The following GC variants were observed in gnomAD, a reference collection of about 807,000 sequenced individuals.
GC encodes GC vitamin D binding protein, also known as vitamin D-binding protein.
In GC, 43 loss-of-function variants were observed where a neutral mutation model predicts 56.7. The observed-to-expected ratio is 0.76, with a 90% confidence interval of 0.59 to 0.98. GC has a LOEUF of 0.98. GC is among the 50% of genes least tolerant of loss of function. The pLI, the probability that GC is intolerant of heterozygous loss-of-function variation, is 0.00. For synonymous variants in GC, 216 were observed against 202.7 expected (o/e 1.07, Z -0.56); for missense variants, 529 against 545.9 (o/e 0.97, Z 0.31).
At chr4:71,787,253 A>G (rs560894926), upstream of GC, among the ~76,000 whole-genome samples, 31 of 152,022 alleles carry the variant, frequency 2.0e-4, 1 homozygote, top group Middle Eastern at 6.8e-3. Flanking sequence ...CTTAAAGTTC[A>G]TAAATTAATC....
At chr4:71,771,307 T>G (rs1420904730) in intron 1 of GC, among the ~76,000 whole-genome samples, 1 of 151,884 alleles carries the variant, frequency 6.6e-6, no homozygotes, top group Non-Finnish European at 1.5e-5. Flanking sequence ...GAGGTGGTGG[T>G]GATTAGATAC....
chr4:71,756,662 G>T (rs1377653210), intron 8 of GC, 50 bp downstream of exon 8: 1 of 1,335,566 alleles, frequency 7.5e-7, no homozygotes, highest in Non-Finnish European at 1.1e-6. Flanking sequence ...CCCACTTTTT[G>T]TCCAGATGAA....
chr4:71,785,815 A>T (rs1742819113), upstream of GC: 1 of 151,802 alleles, frequency 6.6e-6, no homozygotes, highest in Admixed American at 6.6e-5. Flanking sequence ...AGTGTGAAAA[A>T]GTTTAAAAAC....
At chr4:71,796,334 C>T (rs1270424518) in intron 1 of GC, among the ~76,000 whole-genome samples, 1 of 152,176 alleles carries the variant, frequency 6.6e-6, no homozygotes, top group Non-Finnish European at 1.5e-5. Context: ...CACATAGCCC[C>T]ATATTTCTTG....
At chr4:71,801,569 T>A (rs1743249775) in intron 1 of GC, among the ~76,000 whole-genome samples, 1 of 152,136 alleles carries the variant, frequency 6.6e-6, no homozygotes, top group South Asian at 2.1e-4. Context: ...AATCTCAAAC[T>A]TATATCACCT....
At chr4:71,746,564 C>T in intron 11 of GC, among the ~76,000 whole-genome samples, 1 of 151,746 alleles carries the variant, frequency 6.6e-6, no homozygotes, top group East Asian at 1.9e-4. Context: ...ACTCTAAAGC[C>T]TGATGAATGA....
intron 1 of GC, among the ~76,000 whole-genome samples, chr4:71,773,718 T>A (rs1742412613): frequency 6.6e-6 from 1 of 152,150 alleles, no homozygotes; most frequent in South Asian, 2.1e-4. Context: ...TTGACATAAA[T>A]AAGTGCTCGT....
intron 1 of GC, among the ~76,000 whole-genome samples, chr4:71,778,759 C>A (rs1266166856): frequency 6.6e-6 from 1 of 151,718 alleles, no homozygotes; most frequent in Non-Finnish European, 1.5e-5. Context: ...ATACAGACCA[C>A]CTGGATTTGA....
At chr4:71,743,242 A>G (rs1741247385) in intron 12 of GC, among the ~76,000 whole-genome samples, 1 of 152,220 alleles carries the variant, frequency 6.6e-6, no homozygotes, top group Non-Finnish European at 1.5e-5. Flanking sequence ...TGAGTGAGTC[A>G]AATCTCTAAC....
chr4:71,745,423 A>G (rs1741334490), intron 12 of GC, among the ~76,000 whole-genome samples: 1 of 152,326 alleles, frequency 6.6e-6, no homozygotes, highest in South Asian at 2.1e-4. Flanking sequence ...TTGTTTCCAC[A>G]TTATTTTGGG....
chr4:71,786,831 CCTT>C (rs1445967509), upstream of GC, among the ~76,000 whole-genome samples: 1 of 151,868 alleles, frequency 6.6e-6, no homozygotes, highest in African/African-American at 2.4e-5. Flanking sequence ...GTAGAAATGA[CCTT>C]CTTCAGAATG....
chr4:71,793,997 G>C (rs1472718729), intron 1 of GC, among the ~76,000 whole-genome samples: 2 of 152,148 alleles, frequency 1.3e-5, no homozygotes, highest in Non-Finnish European at 2.9e-5. Flanking sequence ...TGCATCCCAG[G>C]GATGAAGCCA....
intron 1 of GC, 137 bp downstream of exon 1, chr4:71,783,824 C>T (rs1560710119): frequency 6.0e-6 from 3 of 498,524 alleles, no homozygotes; most frequent in East Asian, 7.0e-5. Context: ...TGATTAATGC[C>T]TCTCTGGTCC....
At chr4:71,769,525 T>C in intron 1 of GC, 125 bp from the exon 2 acceptor site, 1 of 635,188 alleles carries the variant, frequency 1.6e-6, no homozygotes. Context: ...AATGTCTATA[T>C]GCAATTTCAT....
At chr4:71,776,691 A>AT (rs780747815) in intron 1 of GC, among the ~76,000 whole-genome samples, 1 of 151,952 alleles carries the variant, frequency 6.6e-6, no homozygotes, top group Non-Finnish European at 1.5e-5. Flanking sequence ...AGAGGAGTTC[A>AT]TTGATGATTT....
intron 1 of GC, among the ~76,000 whole-genome samples, chr4:71,793,735 G>T (rs1743026265): frequency 6.6e-6 from 1 of 152,266 alleles, no homozygotes; most frequent in African/African-American, 2.4e-5. Context: ...TCTTGTGCTG[G>T]TTTTCAAAGG....
At chr4:71,759,803 G>T (rs1435408468) in intron 6 of GC, among the ~76,000 whole-genome samples, 2 of 152,078 alleles carry the variant, frequency 1.3e-5, no homozygotes, top group South Asian at 2.1e-4. Context: ...ACCCTTATCA[G>T]ATAGCTAAAT....
chr4:71,766,946 C>T (rs1742176356), intron 3 of GC, among the ~76,000 whole-genome samples: 1 of 152,136 alleles, frequency 6.6e-6, no homozygotes, highest in East Asian at 1.9e-4. Context: ...TCTTATGCTC[C>T]AGGATTGTAG....
At chr4:71,799,766 A>C (rs1365239099) in intron 1 of GC, among the ~76,000 whole-genome samples, 1 of 152,210 alleles carries the variant, frequency 6.6e-6, no homozygotes, top group Non-Finnish European at 1.5e-5. Context: ...ATTTACAACA[A>C]AAAAGCAGTG....
Sources: allele counts gnomAD v4.1 joint callset (sites outside exome capture counted in the v4.1 genomes callset), GRCh38; gene constraint gnomAD v4.1.1; transcripts MANE v1.5; gene names NCBI Gene and HGNC (gene_info 2026-07-23, HGNC 2026-07-21).